Variants in GFI1B observed in about 807,000 individuals in gnomAD.
GFI1B encodes the protein growth factor independent 1B transcriptional repressor, also known as zinc finger protein Gfi-1b.
A neutral mutation model predicts 35.3 loss-of-function variants in GFI1B; 20 were observed. The observed-to-expected ratio is 0.57, with a 90% CI of 0.40 to 0.82. The LOEUF (loss-of-function observed/expected upper bound fraction) is 0.82. Ranked by LOEUF, GFI1B falls within the 40% of genes least tolerant of loss-of-function variation. The pLI is 0.00. For missense variants in GFI1B, 430 were observed against 446.3 expected, an observed-to-expected ratio of 0.96 and a Z score of 0.33; for synonymous variants, 178 against 177.6, an observed-to-expected ratio of 1.00 and a Z score of -0.02.
intron 1 of GFI1B, among the ~76,000 whole-genome samples, chr9:132,956,822 C>T (rs748877976): frequency 3.3e-5 from 5 of 152,182 alleles, no homozygotes; most frequent in Non-Finnish European, 5.9e-5. Context: ...GGGCCCCTCA[C>T]AAGGCTGCAG....
upstream of GFI1B, among the ~76,000 whole-genome samples, chr9:132,975,680 T>C (rs1192162672): frequency 6.6e-6 from 1 of 152,174 alleles, no homozygotes; most frequent in Non-Finnish European, 1.5e-5. Flanking sequence ...GATACACATG[T>C]GTTACATAAG....
chr9:132,960,528 T>C (rs1297550140), intron 1 of GFI1B, among the ~76,000 whole-genome samples: 3 of 151,974 alleles, frequency 2.0e-5, no homozygotes, highest in Non-Finnish European at 4.4e-5. Flanking sequence ...AGACAGGATC[T>C]CGCTTTGTCC....
At chr9:132,987,559 G>A (rs1158112928) in intron 3 of GFI1B, 140 bp downstream of exon 3, 6 of 967,646 alleles carry the variant, frequency 6.2e-6, no homozygotes, top group Non-Finnish European at 9.5e-6. Context: ...GGGCTCTGTG[G>A]CTTCTGCTTG....
At chr9:132,948,018 A>G (rs1332214943) in intron 1 of GFI1B, among the ~76,000 whole-genome samples, 1 of 152,036 alleles carries the variant, frequency 6.6e-6, no homozygotes. Flanking sequence ...TAGGTTTTCA[A>G]TTTTGCGTGC....
Position 132,989,709 on chromosome 9 carries a change from C to G in GFI1B, c.649-33C>G, listed in dbSNP as rs1392363464. The G allele has an allele frequency of 3.7e-6, 6 of 1,602,026 alleles. No individual in the cohort carries two copies. Among genetic ancestry groups the G allele is most frequent in the Non-Finnish European group, 5.1e-6 (6 of 1,170,436 alleles). The stretch of plus-strand genomic sequence containing the variant: ...GGCCGGGTCCAGTCCTGAGCCTGCA[C>G]CTGACCCCCCGGGGCCTCATTTCCT... On this transcript the variant is annotated intron_variant, in intron 5 of 6. Transcript: ENST00000372122. The surrounding 1 kb of genome is among the most constrained non-coding windows in gnomAD (Gnocchi z 6.2).
intron 1 of GFI1B, among the ~76,000 whole-genome samples, chr9:132,961,956 G>A (rs531989425): frequency 6.6e-6 from 1 of 151,852 alleles, no homozygotes; most frequent in South Asian, 2.1e-4. Flanking sequence ...ACACTTCTGG[G>A]AGTGGGAGGA....
intron 1 of GFI1B, among the ~76,000 whole-genome samples, chr9:132,964,566 A>G (rs995595146): frequency 6.6e-6 from 1 of 152,110 alleles, no homozygotes; most frequent in African/African-American, 2.4e-5. Flanking sequence ...CACAATCACT[A>G]TCGCAAAAGA....
chr9:132,990,847 C>A, intron 6 of GFI1B, 25 bp from the exon 7 acceptor site: 1 of 1,612,904 alleles, frequency 6.2e-7, no homozygotes, highest in Non-Finnish European at 8.5e-7. Flanking sequence ...CCCGCCCTTG[C>A]TGTGCTGCGC....
chr9:132,978,730 T>C lies in GFI1B; in HGVS notation c.-132T>C, dbSNP rs1301130112. On this transcript the variant is annotated 5_prime_UTR_variant, in exon 1 of 7. Transcript: ENST00000372122. ...CAGAGCAAAAAGGAGAAGTATCTAT[T>C]TGTGCAAAGAGTCACACAGTTGACA... is the stretch of plus-strand genomic sequence containing the variant. 6.6e-6 allele frequency: 1 copy of C among 152,292 alleles called. No individual in the cohort carries two copies. The highest frequency in any genetic ancestry group is 6.5e-5 in the Admixed American group (1 of 15,286). 9.4% of individuals were successfully genotyped at this position (152,292 alleles called of 1,614,324 possible).
intron 1 of GFI1B, among the ~76,000 whole-genome samples, chr9:132,961,269 C>A (rs1300955804): frequency 6.6e-6 from 1 of 152,002 alleles, no homozygotes; most frequent in African/African-American, 2.4e-5. Context: ...AAACAAAAAC[C>A]TTTTCCATGG....
At chr9:132,968,597 T>G (rs773683701) in intron 1 of GFI1B, among the ~76,000 whole-genome samples, 1 of 152,172 alleles carries the variant, frequency 6.6e-6, no homozygotes, top group Non-Finnish European at 1.5e-5. Context: ...AAATTTTATA[T>G]AATATAAATG....
In GFI1B at chr9:132,986,656, C is replaced by T. The variant is rs759494377; in HGVS notation, c.-20-3C>T. 1 of 1,468,324 alleles carries T rather than the reference C, an allele frequency of 6.8e-7. No homozygotes were observed. Among genetic ancestry groups the T allele is most frequent in the Non-Finnish European group, 9.5e-7 (1 of 1,052,970 alleles). The allele number at this position is 1,468,324 out of a possible 1,614,324, so 91.0% of individuals were successfully genotyped here. ...TAACCGCTCCCATCCCTCCCCCTTG[C>T]AGGTGTGGGGTGCACACTGAAAATG... On this transcript the variant is annotated splice_region_variant and splice_polypyrimidine_tract_variant and intron_variant, in intron 1 of 6. Transcript: ENST00000372122.
intron 1 of GFI1B, chr9:132,952,544 G>A (rs542856412): frequency 3.9e-5 from 6 of 152,282 alleles, no homozygotes; most frequent in African/African-American, 1.4e-4. Context: ...GGACTCAAGT[G>A]AAATTCCCGC....
intron 1 of GFI1B, chr9:132,951,901 G>A (rs913040427): frequency 6.6e-6 from 1 of 152,110 alleles, no homozygotes; most frequent in African/African-American, 2.4e-5. Context: ...CTGAGTAGCT[G>A]GGACTCCAGG....
Position 132,991,089 on chromosome 9 carries a change from C to A in GFI1B, c.*39C>A. 1 of 1,586,650 alleles carries A rather than the reference C, an allele frequency of 6.3e-7. No homozygotes were observed. The highest frequency in any genetic ancestry group is 8.6e-7 in the Non-Finnish European group (1 of 1,161,066). On this transcript the variant is annotated 3_prime_UTR_variant, in exon 7 of 7. Transcript: ENST00000372122. ...CCCAGCTCCTGGCCAGCCTGCCCTGCGGTCCTGTCACCTGGAGGCCAGCCT... is the reference window on the plus strand; with the variant it reads ...CCCAGCTCCTGGCCAGCCTGCCCTGAGGTCCTGTCACCTGGAGGCCAGCCT...
Position 132,989,960 on chromosome 9 carries a change from C to CCT in GFI1B, c.814+54_814+55dup. 6.6e-7 allele frequency: 1 copy of CCT among 1,520,836 alleles called. No individual in the cohort carries two copies. Among genetic ancestry groups the CCT allele is most frequent in the East Asian group, 2.3e-5 (1 of 44,302 alleles). 94.2% of individuals were successfully genotyped at this position (1,520,836 alleles called of 1,614,324 possible). ...CCTGGGCAGAGCACCCCCACCTTTCCCTGAGAGATGCATCAGAGGCCCCCA... is the reference window on the plus strand; with the variant it reads ...CCTGGGCAGAGCACCCCCACCTTTCCCTCTGAGAGATGCATCAGAGGCCCCCA... On this transcript the variant is annotated intron_variant, in intron 6 of 6. Coordinates refer to ENST00000372122, the MANE Select transcript of GFI1B (RefSeq NM_001377304.1). This position sits in a 1 kb window ranked among gnomAD's most constrained non-coding sequence, Gnocchi z 6.2.
intron 1 of GFI1B, among the ~76,000 whole-genome samples, chr9:132,984,737 T>C (rs1848971449): frequency 6.6e-6 from 1 of 152,154 alleles, no homozygotes; most frequent in African/African-American, 2.4e-5. Flanking sequence ...GTGATGAGCC[T>C]TACAGCAGGC....
chr9:132,952,225 A>G (rs1472032688), intron 1 of GFI1B: 3 of 151,720 alleles, frequency 2.0e-5, no homozygotes, highest in Non-Finnish European at 4.4e-5. Context: ...GAACTCTCTA[A>G]TTTTACTAGT....
chr9:132,980,643 G>A (rs1298538655), intron 1 of GFI1B, among the ~76,000 whole-genome samples: 1 of 152,134 alleles, frequency 6.6e-6, no homozygotes, highest in Non-Finnish European at 1.5e-5. Flanking sequence ...ATCTCATAAA[G>A]CTGAAACTTC....
Sources: allele counts gnomAD v4.1 joint callset (sites outside exome capture counted in the v4.1 genomes callset), GRCh38; gene constraint gnomAD v4.1.1; non-coding constraint Gnocchi (gnomAD v3.1); transcripts MANE v1.5; gene names NCBI Gene and HGNC (gene_info 2026-07-23, HGNC 2026-07-21).